Variants in STAU2 observed in about 807,000 individuals in gnomAD.
The protein encoded by STAU2 is double-stranded RNA-binding protein Staufen homolog 2.
A neutral mutation model predicts 65.9 loss-of-function variants in STAU2; 20 were observed. The ratio of observed to expected loss-of-function variants is 0.30; its 90% CI spans 0.21 to 0.44. The LOEUF (loss-of-function observed/expected upper bound fraction) is 0.44, where lower values mean the gene tolerates loss of function less well. Ranked by LOEUF, STAU2 falls within the 20% of genes least tolerant of loss-of-function variation. The probability of loss-of-function intolerance (pLI) is 1.00; values close to 1 mark genes in which losing one functional copy is unlikely to be tolerated. For missense variants in STAU2, 558 were observed against 683.9 expected, an observed-to-expected ratio of 0.82 and a Z score of 2.05; for synonymous variants, 232 against 233.9, an observed-to-expected ratio of 0.99 and a Z score of 0.07.
At chr8:73,677,744 C>T (rs960546271) in intron 5 of STAU2, among the ~76,000 whole-genome samples, 5 of 152,128 alleles carry the variant, frequency 3.3e-5, no homozygotes, top group Admixed American at 2.6e-4. Context: ...ATTCATCAAG[C>T]TCTATAACTG....
At chr8:73,696,774 T>C (rs561252430) in intron 4 of STAU2, among the ~76,000 whole-genome samples, 1 of 152,256 alleles carries the variant, frequency 6.6e-6, no homozygotes, top group East Asian at 1.9e-4. Context: ...TAAGACTTAC[T>C]GGCCTTAAAG....
intron 12 of STAU2, among the ~76,000 whole-genome samples, chr8:73,554,082 T>C (rs1023206042): frequency 2.0e-5 from 3 of 152,222 alleles, no homozygotes; most frequent in African/African-American, 7.2e-5. Flanking sequence ...CCTCTCAAAC[T>C]TTTATGCTAG....
chr8:73,721,259 C>T (rs1821653148), intron 3 of STAU2, among the ~76,000 whole-genome samples: 1 of 103,620 alleles, frequency 9.7e-6, no homozygotes, highest in African/African-American at 4.0e-5. Flanking sequence ...CACTTCACTA[C>T]AGCGTGAACA....
At chr8:73,463,195 C>T (rs1819465929) in intron 13 of STAU2, among the ~76,000 whole-genome samples, 1 of 152,246 alleles carries the variant, frequency 6.6e-6, no homozygotes, top group Non-Finnish European at 1.5e-5. Flanking sequence ...TTTGTACCTT[C>T]AATGCAGTAT....
At chr8:73,588,596 A>G (rs1203155578) in intron 11 of STAU2, among the ~76,000 whole-genome samples, 1 of 152,232 alleles carries the variant, frequency 6.6e-6, no homozygotes, top group African/African-American at 2.4e-5. Flanking sequence ...GGGGAAGGGT[A>G]GAAACAAATC....
intron 13 of STAU2, among the ~76,000 whole-genome samples, chr8:73,470,609 G>A (rs1187232385): frequency 1.3e-5 from 2 of 152,070 alleles, no homozygotes; most frequent in African/African-American, 4.8e-5. Context: ...ACCAGCCTGG[G>A]CAACACAGCG....
chr8:73,527,640 C>T (rs1423195825), intron 13 of STAU2: 7 of 1,404,566 alleles, frequency 5.0e-6, no homozygotes, highest in Non-Finnish European at 6.8e-6. Context: ...TGATGGCCTT[C>T]CATTTCCGAG....
chr8:73,500,326 G>C (rs185049435), intron 13 of STAU2, among the ~76,000 whole-genome samples: 1 of 151,874 alleles, frequency 6.6e-6, no homozygotes, highest in Non-Finnish European at 1.5e-5. Context: ...CTACCACTTC[G>C]TTGGTGTGGA....
chr8:73,518,817 T>G (rs1585918565), intron 13 of STAU2, among the ~76,000 whole-genome samples: 1 of 152,186 alleles, frequency 6.6e-6, no homozygotes, highest in African/African-American at 2.4e-5. Context: ...ATTCCTTAAC[T>G]ATAAGATATA....
chr8:73,613,516 A>G (rs982564576), intron 9 of STAU2, among the ~76,000 whole-genome samples: 12 of 152,258 alleles, frequency 7.9e-5, no homozygotes, highest in Admixed American at 7.8e-4. Flanking sequence ...ACAAAGAAAT[A>G]CATAAATACC....
intron 13 of STAU2, among the ~76,000 whole-genome samples, chr8:73,479,178 A>C (rs1163381614): frequency 6.6e-6 from 1 of 152,142 alleles, no homozygotes; most frequent in African/African-American, 2.4e-5. Context: ...TAATCTCCAA[A>C]GAACAAGGAC....
chr8:73,706,083 T>C (rs936165320), intron 4 of STAU2, among the ~76,000 whole-genome samples: 1 of 152,120 alleles, frequency 6.6e-6, no homozygotes, highest in African/African-American at 2.4e-5. Flanking sequence ...ATGTGTAGTA[T>C]GTGTGTGAAT....
At chr8:73,594,841 A>C (rs1488230083) in intron 11 of STAU2, among the ~76,000 whole-genome samples, 4 of 152,234 alleles carry the variant, frequency 2.6e-5, no homozygotes, top group African/African-American at 4.8e-5. Flanking sequence ...AAAGGCTAAC[A>C]ACCTGTGTTC....
At chr8:73,517,832 C>T (rs893905495) in intron 13 of STAU2, among the ~76,000 whole-genome samples, 7 of 152,116 alleles carry the variant, frequency 4.6e-5, no homozygotes, top group African/African-American at 1.7e-4. Flanking sequence ...CACTTGTGTG[C>T]ACAATATCAC....
Position 73,663,643 on chromosome 8 carries a change from A to C in STAU2, c.410+9464T>G, listed in dbSNP as rs971939796. On this transcript the variant is annotated intron_variant, in intron 6 of 14. Transcript: ENST00000524300. Reference sequence around the variant, plus strand: ...TATTAATTTTACCAAAAAAAAAAAAACTCTACTATGATTTTTGTTACAACT... The same window carrying C: ...TATTAATTTTACCAAAAAAAAAAAACCTCTACTATGATTTTTGTTACAACT... Among the ~76,000 whole-genome samples the C allele has an allele frequency of 2.0e-5, 3 of 150,760 alleles. No homozygotes were observed. In the South Asian group the frequency reaches 6.3e-4, roughly 32 times the overall value.
At chr8:73,665,388 T>C (rs140986393) in intron 6 of STAU2, among the ~76,000 whole-genome samples, 8 of 152,326 alleles carry the variant, frequency 5.3e-5, no homozygotes, top group East Asian at 1.9e-4. Context: ...GGATGTAGTA[T>C]ACAAAAGGCA....
intron 11 of STAU2, among the ~76,000 whole-genome samples, chr8:73,584,376 T>C (rs1424910552): frequency 6.6e-6 from 1 of 152,220 alleles, no homozygotes; most frequent in Non-Finnish European, 1.5e-5. Context: ...TAATAGCTAA[T>C]AGCTAACACT....
intron 6 of STAU2, among the ~76,000 whole-genome samples, chr8:73,671,655 T>A (rs772349506): frequency 4.1e-4 from 63 of 152,124 alleles, no homozygotes; most frequent in Non-Finnish European, 7.8e-4. Context: ...AAAGAGGGCA[T>A]AAACAACCTA....
At chr8:73,575,306 T>C (rs1259798336) in intron 12 of STAU2, among the ~76,000 whole-genome samples, 1 of 152,188 alleles carries the variant, frequency 6.6e-6, no homozygotes, top group Non-Finnish European at 1.5e-5. Flanking sequence ...ATATTTCAAC[T>C]ATCAAATTGG....
Sources: allele counts gnomAD v4.1 joint callset (sites outside exome capture counted in the v4.1 genomes callset), GRCh38; gene constraint gnomAD v4.1.1; transcripts MANE v1.5; gene names NCBI Gene and HGNC (gene_info 2026-07-23, HGNC 2026-07-21).